The following RUFY4 variants were observed in gnomAD, a reference collection of about 807,000 sequenced individuals.
RUFY4 encodes the protein RUN and FYVE domain-containing protein 4.
A neutral mutation model predicts 69.0 loss-of-function variants in RUFY4; 73 were observed. The observed-to-expected ratio is 1.06, with a 90% CI of 0.88 to 1.29. The LOEUF is 1.29. Among genes scored for constraint, RUFY4 ranks in the 50% most tolerant of loss-of-function variants. The pLI is 0.00. For missense variants in RUFY4, 770 were observed against 705.6 expected (o/e 1.09, Z -1.03); for synonymous variants, 287 against 271.8 (o/e 1.06, Z -0.55).
exon 11 of RUFY4, chr2:218,090,066 ACCAG>A (rs1689996919): frequency 6.6e-7 from 1 of 1,515,658 alleles, no homozygotes; most frequent in Non-Finnish European, 8.9e-7. Flanking sequence ...CAAGACCAAG[ACCAG>A]CCCATGACTG....
chr2:218,051,879 G>A (rs1249033087), intron 2 of RUFY4, among the ~76,000 whole-genome samples: 3 of 152,158 alleles, frequency 2.0e-5, no homozygotes, highest in Non-Finnish European at 4.4e-5. Flanking sequence ...GAGGTTTGGG[G>A]TTTAATTCTG....
chr2:218,089,618 G>T, intron 10 of RUFY4: 5 of 690,874 alleles, frequency 7.2e-6, no homozygotes, highest in Non-Finnish European at 1.1e-5. Context: ...ATTGAGAAAT[G>T]GGCCTCTCAT....
chr2:218,088,552 G>A (rs10427230), intron 9 of RUFY4, among the ~76,000 whole-genome samples: 17,033 of 152,116 alleles, frequency 0.11, 1,334 homozygotes, highest in African/African-American at 0.21. Context: ...TGTACTAAGT[G>A]CCAGATAAGA....
rs536379062 is a variant in RUFY4, at chr2:218,072,447, G to A, written c.227G>A (p.Arg76Gln). Residue 76 changes from arginine (R) to glutamine (Q), a missense_variant, in exon 3 of 11, where the codon CGA (arginine) becomes CAA (glutamine). By Grantham distance (43) the Arg-to-Gln change is conservative. Coordinates refer to ENST00000344321, the Ensembl canonical transcript of RUFY4. ...TGGGACTTTCTCTGCACTGCCCTACGACGGCAGCGGGGAAACATGGAGCCA... is the reference window on the plus strand; with the variant it reads ...TGGGACTTTCTCTGCACTGCCCTACAACGGCAGCGGGGAAACATGGAGCCA... 2.5e-5 allele frequency: 39 copies of A among 1,537,256 alleles called. No individual in the cohort carries two copies. The East Asian group carries it at 3.4e-4, about 13-fold the overall frequency.
chr2:218,075,426 A>T, exon 7 of RUFY4: 1 of 1,612,486 alleles, frequency 6.2e-7, no homozygotes, highest in Admixed American at 1.7e-5. Flanking sequence ...GGTGATAGGG[A>T]TGGAGGCTGA....
At chr2:218,072,576 C>T (rs1424513617) in intron 3 of RUFY4, 77 bp downstream of exon 5, 1 of 1,508,942 alleles carries the variant, frequency 6.6e-7, no homozygotes, top group South Asian at 1.3e-5. Context: ...CCACCCTGCT[C>T]TACCGACCAT....
chr2:218,058,851 T>C (rs1468011491), intron 3 of RUFY4, among the ~76,000 whole-genome samples: 1 of 152,104 alleles, frequency 6.6e-6, no homozygotes, highest in Non-Finnish European at 1.5e-5. Flanking sequence ...CTTTGCACCT[T>C]CTAAGTCCCA....
intron 2 of RUFY4, among the ~76,000 whole-genome samples, chr2:218,039,666 C>T (rs1158685802): frequency 6.6e-6 from 1 of 152,154 alleles, no homozygotes; most frequent in Non-Finnish European, 1.5e-5. Context: ...AGCCGTTCTC[C>T]ATTACTGAGA....
chr2:218,051,990 T>G (rs368449413), intron 2 of RUFY4, among the ~76,000 whole-genome samples: 6 of 152,222 alleles, frequency 3.9e-5, no homozygotes, highest in African/African-American at 1.2e-4. Context: ...CTCATTTAAA[T>G]TGATAATTTC....
At chr2:218,072,857 C>G in exon 4 of RUFY4, 3 of 1,535,788 alleles carry the variant, frequency 2.0e-6, no homozygotes, top group Non-Finnish European at 2.6e-6. Context: ...GGCCCTGCAG[C>G]TTTGCCTCCT....
At chr2:218,062,509 G>A (rs1391391875) in intron 3 of RUFY4, among the ~76,000 whole-genome samples, 5 of 151,830 alleles carry the variant, frequency 3.3e-5, no homozygotes, top group South Asian at 2.1e-4. Flanking sequence ...GCAGGAGTTC[G>A]TGACCAGCCT....
At chr2:218,072,632 A>G in intron 3 of RUFY4, 133 bp downstream of exon 5, 2 of 1,359,194 alleles carry the variant, frequency 1.5e-6, no homozygotes, top group Non-Finnish European at 2.0e-6. Flanking sequence ...TGCCCACAGC[A>G]CCCCTCCAGA....
chr2:218,064,315 TG>T (rs1689270796), upstream of RUFY4, among the ~76,000 whole-genome samples: 1 of 151,712 alleles, frequency 6.6e-6, no homozygotes, highest in South Asian at 2.1e-4. Flanking sequence ...CCAGCTCTGG[TG>T]GTCAGCCAGA....
At chr2:218,052,779 G>T in intron 2 of RUFY4, among the ~76,000 whole-genome samples, 1 of 146,568 alleles carries the variant, frequency 6.8e-6, no homozygotes. Flanking sequence ...GTTTTGTGCT[G>T]TTAATATTAA....
At chr2:218,061,341 A>G (rs1689186202) in intron 3 of RUFY4, 1 of 247,100 alleles carries the variant, frequency 4.0e-6, no homozygotes, top group African/African-American at 2.2e-5. Context: ...GTCATAGCTG[A>G]AACTGTAATT....
intron 8 of RUFY4, among the ~76,000 whole-genome samples, chr2:218,078,784 T>C (rs1423453839): frequency 6.6e-6 from 1 of 152,160 alleles, no homozygotes; most frequent in Non-Finnish European, 1.5e-5. Context: ...CTTTCCCAGC[T>C]CTAGGTAACA....
At chr2:218,074,481 C>T (rs1424630756) in intron 6 of RUFY4, among the ~76,000 whole-genome samples, 5 of 152,052 alleles carry the variant, frequency 3.3e-5, no homozygotes, top group Non-Finnish European at 5.9e-5. Flanking sequence ...CATTTTGCAC[C>T]CCCACCAGCT....
chr2:218,057,435 T>A (rs1689087392), intron 2 of RUFY4, among the ~76,000 whole-genome samples: 1 of 152,260 alleles, frequency 6.6e-6, no homozygotes, highest in Non-Finnish European at 1.5e-5. Context: ...TTACACATGC[T>A]GTTCTACCTT....
At chr2:218,047,806 A>G (rs532339444) in intron 2 of RUFY4, among the ~76,000 whole-genome samples, 1 of 152,306 alleles carries the variant, frequency 6.6e-6, no homozygotes, top group South Asian at 2.1e-4. Context: ...ACGTTTATTT[A>G]GTGATTAATA....
Sources: allele counts gnomAD v4.1 joint callset (sites outside exome capture counted in the v4.1 genomes callset), GRCh38; gene constraint gnomAD v4.1.1; transcripts MANE v1.5; gene names NCBI Gene and HGNC (gene_info 2026-07-23, HGNC 2026-07-21).